The following PLP1 variants were observed in gnomAD, a reference collection of about 807,000 sequenced individuals.
PLP1 encodes myelin proteolipid protein.
Under a neutral mutation model 18.5 loss-of-function variants are expected in PLP1, and 2 were observed. The ratio of observed to expected loss-of-function variants is 0.11; its 90% CI spans 0.04 to 0.34. The LOEUF (loss-of-function observed/expected upper bound fraction) is 0.34, where lower values mean the gene tolerates loss of function less well. Among genes scored for constraint, PLP1 ranks in the 10% least tolerant of loss-of-function variants. The pLI is 1.00. For synonymous variants in PLP1, 86 were observed against 83.2 expected (o/e 1.03, Z -0.19); for missense variants, 105 against 207.3 (o/e 0.51, Z 3.03).
chrX:103,786,200 G>A, intron 2 of PLP1: 1 of 1,134,562 alleles, frequency 8.8e-7, no homozygotes, highest in Non-Finnish European at 1.2e-6. Flanking sequence ...GGTGGGGCAG[G>A]GAGAGTAGGT....
Position 103,787,806 on chromosome X carries a change from C to T in PLP1, c.462C>T (p.Gly154=). The change falls in exon 4 of 7, where the codon GGC becomes GGT. Residue 154 remains glycine (G), a synonymous_variant. Transcript: ENST00000621218. ...CATGTCAATCATTTTAGTTTGTGGG[C>T]ATCACCTATGCCCTGACCGTTGTGT... ...KWLGHPDKFV[G]ITYALTVVWL... is the part of the protein sequence containing the mutation. 2 of 1,208,747 alleles carry T rather than the reference C, an allele frequency of 1.7e-6. No individual in the cohort carries two copies. The highest frequency in any genetic ancestry group is 2.2e-6 in the Non-Finnish European group (2 of 892,844).
chrX:103,784,485 A>C (rs1410903263), intron 1 of PLP1, among the ~76,000 whole-genome samples: 1 of 111,374 alleles, frequency 9.0e-6, no homozygotes, highest in Non-Finnish European at 1.9e-5. Context: ...CAAACCTCCT[A>C]TTTTCCAATT....
At chrX:103,783,361 T>A (rs757619894) in intron 1 of PLP1, among the ~76,000 whole-genome samples, 3 of 112,624 alleles carry the variant, frequency 2.7e-5, no homozygotes, top group Non-Finnish European at 5.6e-5. Context: ...AGATTGCTTC[T>A]TATAGAGGCC....
chrX:103,785,556 G>T (rs773452392), intron 1 of PLP1, 26 bp from the exon 2 acceptor site: 25 of 1,188,518 alleles, frequency 2.1e-5, no homozygotes, highest in Non-Finnish European at 2.7e-5. Flanking sequence ...GGATGTGCCT[G>T]ACTGTTTCCC....
At chrX:103,789,528 C>A in intron 6 of PLP1, 130 bp downstream of exon 6, 3 of 572,317 alleles carry the variant, frequency 5.2e-6, no homozygotes, top group Non-Finnish European at 6.2e-6. Flanking sequence ...GGGAAGATAG[C>A]AAAGGGTGGA....
chrX:103,785,300 C>T (rs2074485381), intron 1 of PLP1, among the ~76,000 whole-genome samples: 1 of 112,319 alleles, frequency 8.9e-6, no homozygotes, highest in South Asian at 3.7e-4. Context: ...TGGTCTTGAA[C>T]TCCTGACCTC....
At chrX:103,777,311 G>T (rs1315011335) in intron 1 of PLP1, among the ~76,000 whole-genome samples, 2 of 111,243 alleles carry the variant, frequency 1.8e-5, no homozygotes, top group East Asian at 5.7e-4. Context: ...TTTTCCCTTG[G>T]TTCCAAGGCC....
intron 5 of PLP1, chrX:103,788,814 C>A: frequency 2.9e-6 from 1 of 343,370 alleles, no homozygotes; most frequent in Non-Finnish European, 5.1e-6. Context: ...ATTTTCATTC[C>A]TTTAGTTAAA....
intron 1 of PLP1, among the ~76,000 whole-genome samples, chrX:103,783,235 C>T (rs751948735): frequency 4.1e-4 from 46 of 111,889 alleles, no homozygotes; most frequent in Admixed American, 6.6e-4. Context: ...CATGCATGTG[C>T]GTGTGCACAC....
At chrX:103,786,440 C>A (rs1241860251) in intron 2 of PLP1, 25 bp from the exon 3 acceptor site, 1 of 1,201,271 alleles carries the variant, frequency 8.3e-7, no homozygotes, top group Admixed American at 2.2e-5. Flanking sequence ...ATTCCCTGGT[C>A]TCGTTTGTCT....
At chrX:103,785,547 G>A (rs1466105487) in intron 1 of PLP1, 35 bp from the exon 2 acceptor site, 1 of 1,156,370 alleles carries the variant, frequency 8.6e-7, no homozygotes, top group South Asian at 1.8e-5. Flanking sequence ...CTACCTACTG[G>A]ATGTGCCTGA....
intron 2 of PLP1, 31 bp downstream of exon 2, chrX:103,785,799 C>A (rs371686603): frequency 1.6e-5 from 18 of 1,120,102 alleles, no homozygotes; most frequent in Non-Finnish European, 1.8e-5. Flanking sequence ...ACAGACCCAT[C>A]TTTTTTTTCC....
At chrX:103,788,060 G>A (rs1392642756) in intron 4 of PLP1, 94 bp downstream of exon 4, 7 of 691,500 alleles carry the variant, frequency 1.0e-5, no homozygotes, top group Non-Finnish European at 1.6e-5. Flanking sequence ...TGGTGATTAT[G>A]AGAAAAATAT....
Position 103,787,994 on chromosome X carries a change from C to G in PLP1, c.622+28C>G, listed in dbSNP as rs16984053. The G allele has an allele frequency of 0.027, 30,183 of 1,126,353 alleles. 332 individuals carry two copies. The highest frequency in any genetic ancestry group is 0.031 in the Non-Finnish European group (25,352 of 818,754). 92.8% of individuals were successfully genotyped at this position (1,126,353 alleles called of 1,213,427 possible). Reference sequence around the variant, plus strand: ...GAGTTAGGGTACGGGTGCTTTGGCTCTCCTACCCACTATGGAAGCACTATA... The same window carrying G: ...GAGTTAGGGTACGGGTGCTTTGGCTGTCCTACCCACTATGGAAGCACTATA... On this transcript the variant is annotated intron_variant, in intron 4 of 6. Coordinates refer to ENST00000621218, the MANE Select transcript of PLP1 (RefSeq NM_000533.5).
At chrX:103,778,702 G>A (rs567332701) in intron 1 of PLP1, among the ~76,000 whole-genome samples, 3 of 111,386 alleles carry the variant, frequency 2.7e-5, no homozygotes, top group African/African-American at 6.5e-5. Flanking sequence ...AAGGGTGGAC[G>A]ATACTTGGGC....
At position 103,786,693 on chromosome X, in the gene PLP1, T is replaced by C; in HGVS notation, c.420T>C (p.His140=). Residue 140 remains histidine, a synonymous_variant, in exon 3 of 7, where the codon CAT becomes CAC. Coordinates refer to ENST00000621218, the MANE Select transcript of PLP1 (RefSeq NM_000533.5). ...HQAHSLERVC[H]CLGKWLGHPD... is the part of the protein sequence containing the mutation. ...CTCATTCTTTGGAGCGGGTGTGTCATTGTTTGGGAAAATGGCTAGGACATC... is the reference window on the plus strand; with the variant it reads ...CTCATTCTTTGGAGCGGGTGTGTCACTGTTTGGGAAAATGGCTAGGACATC... 8.3e-7 allele frequency: 1 copy of C among 1,211,235 alleles called. No homozygotes were observed. Among genetic ancestry groups the C allele is most frequent in the Non-Finnish European group, 1.1e-6 (1 of 895,257 alleles).
At chrX:103,778,851 A>C in intron 1 of PLP1, among the ~76,000 whole-genome samples, 1 of 112,425 alleles carries the variant, frequency 8.9e-6, no homozygotes, top group Non-Finnish European at 1.9e-5. Context: ...GCTGTTCAAC[A>C]ATTGCAGTAA....
chrX:103,787,187 C>CT (rs1215183718), intron 3 of PLP1, among the ~76,000 whole-genome samples: 1 of 111,397 alleles, frequency 9.0e-6, no homozygotes, highest in Non-Finnish European at 1.9e-5. Flanking sequence ...CTGCACAGTT[C>CT]GAGGTCCCAG....
chrX:103,786,802 A>C (rs750184625), intron 3 of PLP1, 76 bp downstream of exon 3: 4 of 1,078,289 alleles, frequency 3.7e-6, no homozygotes, highest in Non-Finnish European at 5.2e-6. Context: ...CCTCGTCCCC[A>C]CCCAAGGCTG....
Sources: gnomAD v4.1 joint callset for allele counts (sites outside exome capture counted in the v4.1 genomes callset) on GRCh38, gnomAD v4.1.1 for gene constraint, MANE v1.5 for transcripts, NCBI Gene and HGNC (gene_info 2026-07-23, HGNC 2026-07-21) for gene names.